PDE10A: variants seen among roughly 807,000 people sequenced by gnomAD.
The protein encoded by PDE10A is cAMP and cAMP-inhibited cGMP 3',5'-cyclic phosphodiesterase 10A.
In PDE10A, 39 loss-of-function variants were observed where a neutral mutation model predicts 97.7. The ratio of observed to expected loss-of-function variants is 0.40; its 90% CI spans 0.31 to 0.52. The LOEUF (loss-of-function observed/expected upper bound fraction) is 0.52. Among genes scored for constraint, PDE10A ranks in the 20% least tolerant of loss-of-function variants. The pLI, the probability that PDE10A is intolerant of heterozygous loss-of-function variation, is 0.56. For synonymous variants in PDE10A, 371 were observed against 376.8 expected (o/e 0.98, Z 0.18); for missense variants, 731 against 1,047.8 (o/e 0.70, Z 4.17).
At chr6:165,560,749 C>T (rs1784480183) in intron 1 of PDE10A, among the ~76,000 whole-genome samples, 1 of 152,192 alleles carries the variant, frequency 6.6e-6, no homozygotes, top group Admixed American at 6.5e-5. Context: ...AGTGTAAGCA[C>T]AAGCCCAGGG....
At chr6:165,854,881 C>A (rs1780676082) in intron 1 of PDE10A, among the ~76,000 whole-genome samples, 1 of 152,186 alleles carries the variant, frequency 6.6e-6, no homozygotes, top group Admixed American at 6.5e-5. Context: ...CGCAGAAACA[C>A]ACAGAAGAGG....
At chr6:165,686,128 T>G (rs990751442) in intron 1 of PDE10A, among the ~76,000 whole-genome samples, 1 of 83,740 alleles carries the variant, frequency 1.2e-5, no homozygotes, top group Non-Finnish European at 2.4e-5. Context: ...TAAATGTGCA[T>G]GGACACACAC....
At chr6:165,541,473 T>C (rs1583501037) in intron 2 of PDE10A, among the ~76,000 whole-genome samples, 1 of 152,192 alleles carries the variant, frequency 6.6e-6, no homozygotes, top group African/African-American at 2.4e-5. Flanking sequence ...AATGACACAC[T>C]GACAATGTTT....
chr6:165,608,788 T>C (rs1439586803), intron 1 of PDE10A, among the ~76,000 whole-genome samples: 1 of 152,214 alleles, frequency 6.6e-6, no homozygotes, highest in African/African-American at 2.4e-5. Context: ...TTCCTGACTT[T>C]TTAATGATTG....
intron 3 of PDE10A, among the ~76,000 whole-genome samples, chr6:165,471,214 A>T (rs565187370): frequency 1.0e-3 from 156 of 152,206 alleles, no homozygotes; most frequent in African/African-American, 3.6e-3. Context: ...TTTAAAAGAA[A>T]CATATGCCCC....
intron 1 of PDE10A, among the ~76,000 whole-genome samples, chr6:165,918,326 G>A (rs1782663052): frequency 6.6e-6 from 1 of 152,148 alleles, no homozygotes; most frequent in African/African-American, 2.4e-5. Flanking sequence ...TATGGGTAAT[G>A]TAAATATAAT....
At chr6:165,826,092 C>A (rs957547087) in intron 1 of PDE10A, among the ~76,000 whole-genome samples, 9 of 152,206 alleles carry the variant, frequency 5.9e-5, no homozygotes, top group African/African-American at 2.2e-4. Flanking sequence ...TGTGTCCCAG[C>A]CTCAGCTTGG....
intron 12 of PDE10A, among the ~76,000 whole-genome samples, chr6:165,415,023 C>G (rs1458035664): frequency 6.6e-6 from 1 of 152,154 alleles, no homozygotes; most frequent in Admixed American, 6.5e-5. Flanking sequence ...GTTATCTTCT[C>G]ATTGTTATGC....
rs965998795 is a variant in PDE10A, at chr6:165,691,591, GCACACA to G, written c.-614-148029_-614-148024del. 5.9e-3 allele frequency among the ~76,000 whole-genome samples: 306 copies of G among 51,656 alleles called. 1 individual carries two copies. The highest frequency in any genetic ancestry group is 0.013 in the Non-Finnish European group (157 of 12,260). 33.9% of individuals were successfully genotyped at this position (51,656 alleles called of 152,430 possible). A position where few individuals can be genotyped will look rare whatever the true frequency, so the allele number is the denominator to read the frequency against. On this transcript the variant is annotated intron_variant, in intron 1 of 19. Coordinates refer to the PDE10A transcript ENST00000366882. ...CCCATGCGCACGCATGCACGCGCGCGCACACACACACACACACACACACACACACAC... is the reference window on the plus strand; with the variant it reads ...CCCATGCGCACGCATGCACGCGCGCGCACACACACACACACACACACACAC...
intron 1 of PDE10A, among the ~76,000 whole-genome samples, chr6:165,715,617 CACACACGTGA>C (rs1376435316): frequency 6.6e-6 from 1 of 152,154 alleles, no homozygotes; most frequent in Non-Finnish European, 1.5e-5. Context: ...TGTACACATG[CACACACGTGA>C]ACACACGTGC....
intron 18 of PDE10A, among the ~76,000 whole-genome samples, chr6:165,372,274 G>A (rs1438055024): frequency 2.7e-5 from 4 of 150,612 alleles, no homozygotes; most frequent in Non-Finnish European, 5.9e-5. Flanking sequence ...ATTAGGAAAA[G>A]AGGAAATCAA....
At chr6:165,948,409 G>A (rs1174622023) in intron 1 of PDE10A, 4 of 152,264 alleles carry the variant, frequency 2.6e-5, no homozygotes, top group African/African-American at 9.7e-5. Context: ...TCAGTAGTGG[G>A]TGTGGTGGGG....
intron 1 of PDE10A, among the ~76,000 whole-genome samples, chr6:165,635,879 TC>T (rs1336597585): frequency 2.0e-5 from 3 of 152,236 alleles, no homozygotes; most frequent in Admixed American, 6.5e-5. Context: ...AAGATTCCAT[TC>T]TCTTAATAGA....
intron 1 of PDE10A, among the ~76,000 whole-genome samples, chr6:165,833,047 C>T (rs919858393): frequency 6.6e-6 from 1 of 152,180 alleles, no homozygotes; most frequent in Admixed American, 6.5e-5. Flanking sequence ...GTAACCGATT[C>T]GAATAATCTG....
At chr6:165,399,538 C>T (rs1007191953) in intron 13 of PDE10A, among the ~76,000 whole-genome samples, 4 of 151,814 alleles carry the variant, frequency 2.6e-5, no homozygotes, top group Admixed American at 6.6e-5. Context: ...CCCATCAACC[C>T]GTCATTTAAC....
rs1781306828 is a variant in PDE10A, at chr6:165,330,975, T to C, written c.*2050A>G. ...ATACACTAACACAAAAATGACACTT[T>C]CTTGTCAACTGTCAAGTGATATGCA... On this transcript the variant is annotated 3_prime_UTR_variant, in exon 22 of 22. Transcript: ENST00000539869. The C allele has an allele frequency of 6.6e-6, 1 of 152,212 alleles. No individual in the cohort carries two copies. Among genetic ancestry groups the C allele is most frequent in the African/African-American group, 2.4e-5 (1 of 41,460 alleles). 9.4% of individuals were successfully genotyped at this position (152,212 alleles called of 1,614,324 possible).
chr6:165,453,872 A>G (rs1478536471), intron 3 of PDE10A, among the ~76,000 whole-genome samples: 1 of 152,198 alleles, frequency 6.6e-6, no homozygotes, highest in Non-Finnish European at 1.5e-5. Flanking sequence ...TCCAAAATGT[A>G]GAGTTACCAA....
At chr6:165,520,812 T>C (rs1286699533) in intron 2 of PDE10A, among the ~76,000 whole-genome samples, 1 of 152,130 alleles carries the variant, frequency 6.6e-6, no homozygotes, top group Non-Finnish European at 1.5e-5. Context: ...ATCAGTGTAT[T>C]GGGTGGACTG....
chr6:165,882,436 A>G (rs148628070), intron 1 of PDE10A, among the ~76,000 whole-genome samples: 6 of 152,340 alleles, frequency 3.9e-5, no homozygotes, highest in African/African-American at 1.4e-4. Flanking sequence ...AGTAAGTTAT[A>G]AAATATGTCT....
Sources: allele counts gnomAD v4.1 joint callset (sites outside exome capture counted in the v4.1 genomes callset), GRCh38; gene constraint gnomAD v4.1.1; transcripts MANE v1.5; gene names NCBI Gene and HGNC (gene_info 2026-07-23, HGNC 2026-07-21).